Variants in CHM observed in about 807,000 individuals in gnomAD.
The protein encoded by CHM is rab proteins geranylgeranyltransferase component A 1.
A neutral mutation model predicts 49.0 loss-of-function variants in CHM; 10 were observed. The observed-to-expected ratio is 0.20, with a 90% CI of 0.13 to 0.35. The LOEUF (loss-of-function observed/expected upper bound fraction) is 0.35, where lower values mean the gene tolerates loss of function less well. Ranked by LOEUF, CHM falls within the 10% of genes least tolerant of loss-of-function variation. The pLI, the probability that CHM is intolerant of heterozygous loss-of-function variation, is 1.00. For missense variants in CHM, 455 were observed against 478.4 expected (o/e 0.95, Z 0.46); for synonymous variants, 184 against 167.5 (o/e 1.10, Z -0.76).
At chrX:85,904,916 C>T (rs1021509208) in intron 9 of CHM, among the ~76,000 whole-genome samples, 7 of 111,662 alleles carry the variant, frequency 6.3e-5, no homozygotes, top group African/African-American at 2.3e-4. Flanking sequence ...AATTGAAAAA[C>T]AAAAATTGTA....
intron 2 of CHM, among the ~76,000 whole-genome samples, chrX:86,024,762 A>G (rs1242516121): frequency 1.8e-5 from 2 of 112,526 alleles, no homozygotes. Context: ...ATTATTATCA[A>G]AATCATCTGA....
intron 13 of CHM, among the ~76,000 whole-genome samples, chrX:85,875,776 T>G (rs1409019089): frequency 9.0e-6 from 1 of 111,507 alleles, no homozygotes; most frequent in East Asian, 2.8e-4. Context: ...AGTGAGACGC[T>G]TCACTGACCA....
intron 2 of CHM, among the ~76,000 whole-genome samples, chrX:86,000,513 CAAAAAAAAA>C (rs754600557): frequency 1.0e-4 from 6 of 58,871 alleles, no homozygotes; most frequent in South Asian, 1.2e-3. Context: ...GGAATATATT[CAAAAAAAAA>C]AAAAAAAAAA....
intron 8 of CHM, among the ~76,000 whole-genome samples, chrX:85,952,586 C>A (rs1486603267): frequency 1.8e-5 from 2 of 112,337 alleles, no homozygotes; most frequent in Non-Finnish European, 3.8e-5. Flanking sequence ...ATGCCGTGAG[C>A]CTTGGGTGAG....
At chrX:85,876,628 T>C (rs1364558535) in intron 13 of CHM, among the ~76,000 whole-genome samples, 1 of 111,525 alleles carries the variant, frequency 9.0e-6, no homozygotes, top group East Asian at 2.8e-4. Flanking sequence ...TGTTCTGACA[T>C]TTTAATTAAA....
intron 8 of CHM, among the ~76,000 whole-genome samples, chrX:85,944,896 G>A (rs1929315744): frequency 1.8e-5 from 2 of 111,507 alleles, no homozygotes; most frequent in African/African-American, 3.3e-5. Flanking sequence ...CTCATCAATG[G>A]AAGACCTGAC....
chrX:85,964,648 A>G (rs1429442721), intron 4 of CHM, among the ~76,000 whole-genome samples: 1 of 112,064 alleles, frequency 8.9e-6, no homozygotes, highest in East Asian at 2.8e-4. Flanking sequence ...TAAAGGGAAA[A>G]ATATCTGCCT....
At chrX:86,037,575 T>C (rs1182985714) in intron 1 of CHM, among the ~76,000 whole-genome samples, 1 of 111,458 alleles carries the variant, frequency 9.0e-6, no homozygotes, top group African/African-American at 3.3e-5. Context: ...TCAGAACATA[T>C]TTTACTAATG....
At chrX:85,912,973 A>G (rs1308687051) in intron 8 of CHM, among the ~76,000 whole-genome samples, 1 of 97,433 alleles carries the variant, frequency 1.0e-5, no homozygotes, top group Non-Finnish European at 2.0e-5. Flanking sequence ...AGATCGTGCC[A>G]CTGCACTCCA....
Position 85,956,393 on chromosome X carries a change from A to C in CHM, c.941-15T>G. On this transcript the variant is annotated splice_polypyrimidine_tract_variant and intron_variant, in intron 7 of 14. Transcript: ENST00000357749. Reference sequence around the variant, plus strand: ...CTCTTCATATCCTATGAAAAGATGAAATTTTATCACTTAAAATCAGAACTA... The same window carrying C: ...CTCTTCATATCCTATGAAAAGATGACATTTTATCACTTAAAATCAGAACTA... 1 of 1,199,014 alleles carries C rather than the reference A, an allele frequency of 8.3e-7. No individual in the cohort carries two copies. Among genetic ancestry groups the C allele is most frequent in the Non-Finnish European group, 1.1e-6 (1 of 887,953 alleles).
intron 8 of CHM, among the ~76,000 whole-genome samples, chrX:85,942,691 G>A (rs991332918): frequency 3.6e-5 from 4 of 110,448 alleles, no homozygotes; most frequent in African/African-American, 9.9e-5. Context: ...GCTATATCAC[G>A]TGGCTCTATG....
At chrX:85,884,447 C>T (rs1924962787) in intron 12 of CHM, among the ~76,000 whole-genome samples, 1 of 110,640 alleles carries the variant, frequency 9.0e-6, no homozygotes. Context: ...AGCTGAGGCA[C>T]ATAGAAATTA....
intron 2 of CHM, among the ~76,000 whole-genome samples, chrX:85,982,246 C>T (rs1360291239): frequency 9.0e-6 from 1 of 110,509 alleles, no homozygotes; most frequent in Non-Finnish European, 1.9e-5. Flanking sequence ...CCACCACCTC[C>T]GCCACCTCCA....
chrX:86,003,408 A>AT (rs1485425567), intron 2 of CHM, among the ~76,000 whole-genome samples: 2 of 112,315 alleles, frequency 1.8e-5, no homozygotes, highest in African/African-American at 6.5e-5. Context: ...ACGGAGAATG[A>AT]TTTTGACGAG....
chrX:85,981,431 G>T (rs1439737288), intron 3 of CHM, among the ~76,000 whole-genome samples: 1 of 108,481 alleles, frequency 9.2e-6, no homozygotes, highest in African/African-American at 3.4e-5. Flanking sequence ...ATGGGATTTC[G>T]CCATGTTGGC....
chrX:85,978,906 G>C lies in CHM; in HGVS notation c.190-15C>G, dbSNP rs1393751296. On this transcript the variant is annotated splice_polypyrimidine_tract_variant and intron_variant, in intron 3 of 14. Coordinates refer to ENST00000357749, the MANE Select transcript of CHM (RefSeq NM_000390.4). ...TCACTGTTTTCCTAAACAAAACACA[G>C]ATAAGAAGTTTTAATCAAAGTGGGC... 8.4e-7 allele frequency: 1 copy of C among 1,195,631 alleles called. No individual in the cohort carries two copies. Among genetic ancestry groups the C allele is most frequent in the African/African-American group, 1.8e-5 (1 of 56,825 alleles).
intron 8 of CHM, among the ~76,000 whole-genome samples, chrX:85,920,845 C>T (rs1927752453): frequency 8.9e-6 from 1 of 112,189 alleles, no homozygotes; most frequent in African/African-American, 3.2e-5. Context: ...AGGAAAGCAA[C>T]AGAATCAGAT....
chrX:86,045,811 C>T (rs1934631571), intron 1 of CHM, among the ~76,000 whole-genome samples: 1 of 111,583 alleles, frequency 9.0e-6, no homozygotes. Context: ...TTGTTAAAAA[C>T]ACCTCAAGTT....
At chrX:85,979,954 G>A (rs1053305536) in intron 3 of CHM, among the ~76,000 whole-genome samples, 3 of 111,323 alleles carry the variant, frequency 2.7e-5, no homozygotes, top group Non-Finnish European at 5.7e-5. Flanking sequence ...TTTTGAATGT[G>A]TAGACATGAG....
Sources: allele counts gnomAD v4.1 joint callset (sites outside exome capture counted in the v4.1 genomes callset), GRCh38; gene constraint gnomAD v4.1.1; transcripts MANE v1.5; gene names NCBI Gene and HGNC (gene_info 2026-07-23, HGNC 2026-07-21).